The following DMD variants were observed in gnomAD, a reference collection of about 807,000 sequenced individuals.
The protein encoded by DMD is mutant dystrophin.
Under a neutral mutation model 330.1 loss-of-function variants are expected in DMD, and 63 were observed. That is an observed-to-expected ratio of 0.19 (90% CI 0.16 to 0.24). DMD has a LOEUF of 0.24. Among genes scored for constraint, DMD ranks in the 10% least tolerant of loss-of-function variants. The probability of loss-of-function intolerance (pLI) is 1.00; values close to 1 mark genes in which losing one functional copy is unlikely to be tolerated. For missense variants in DMD, 3,344 were observed against 2,684.1 expected (o/e 1.25, Z -5.43); for synonymous variants, 1,223 against 959.8 (o/e 1.27, Z -5.07).
intron 1 of DMD, among the ~76,000 whole-genome samples, chrX:33,058,523 A>C (rs1367814907): frequency 1.9e-5 from 2 of 107,513 alleles, no homozygotes; most frequent in Non-Finnish European, 3.9e-5. Flanking sequence ...GGATAGTCTA[A>C]AACTCCTGGC....
intron 2 of DMD, among the ~76,000 whole-genome samples, chrX:32,979,970 G>A (rs2092659425): frequency 9.0e-6 from 1 of 111,608 alleles, no homozygotes; most frequent in Non-Finnish European, 1.9e-5. Flanking sequence ...GAGCCCTATA[G>A]GTTGTGGCAT....
At chrX:32,998,705 G>T (rs767787936) in intron 2 of DMD, among the ~76,000 whole-genome samples, 8 of 110,933 alleles carry the variant, frequency 7.2e-5, no homozygotes, top group Non-Finnish European at 1.1e-4. Context: ...TTCATTTTCT[G>T]TGTATTTTAA....
intron 43 of DMD, among the ~76,000 whole-genome samples, chrX:32,257,719 A>T (rs1048323809): frequency 3.6e-5 from 4 of 111,789 alleles, no homozygotes; most frequent in Non-Finnish European, 7.5e-5. Flanking sequence ...AAACCCTAGA[A>T]GAAAACCTAG....
At chrX:31,186,051 G>A (rs954613246) in intron 67 of DMD, among the ~76,000 whole-genome samples, 1 of 111,981 alleles carries the variant, frequency 8.9e-6, no homozygotes, top group Admixed American at 9.5e-5. Context: ...ATTTCAGATA[G>A]AAAGGCAGGA....
chrX:32,581,383 G>A (rs753256520), intron 13 of DMD, among the ~76,000 whole-genome samples: 26 of 111,971 alleles, frequency 2.3e-4, no homozygotes, highest in Admixed American at 2.0e-3. Flanking sequence ...AACAGACTAA[G>A]GATCATCAGA....
chrX:32,785,322 A>C (rs1010875503), intron 7 of DMD, among the ~76,000 whole-genome samples: 2 of 111,349 alleles, frequency 1.8e-5, no homozygotes, highest in Admixed American at 9.6e-5. Flanking sequence ...ACAATATTTA[A>C]GCTCTGACAA....
chrX:31,793,746 CA>C (rs1230654508), intron 50 of DMD, among the ~76,000 whole-genome samples: 3 of 112,117 alleles, frequency 2.7e-5, no homozygotes, highest in African/African-American at 9.7e-5. Context: ...ATATTACTTT[CA>C]CACCATTGTA....
At chrX:33,234,642 ACT>A (rs2052444072) in intron 1 of DMD, among the ~76,000 whole-genome samples, 1 of 111,901 alleles carries the variant, frequency 8.9e-6, no homozygotes, top group East Asian at 2.8e-4. Context: ...TGGCAAACAC[ACT>A]GACATGATTC....
intron 1 of DMD, among the ~76,000 whole-genome samples, chrX:33,290,798 C>G (rs2053500127): frequency 9.0e-6 from 1 of 111,148 alleles, no homozygotes; most frequent in African/African-American, 3.3e-5. Flanking sequence ...TTCTTTCCTC[C>G]TAGCTTAAAA....
At chrX:32,779,669 C>A (rs1321625262) in intron 7 of DMD, among the ~76,000 whole-genome samples, 1 of 89,751 alleles carries the variant, frequency 1.1e-5, no homozygotes, top group Admixed American at 1.4e-4. Context: ...AGGACATGAA[C>A]TCATCCTTTT....
chrX:31,924,608 A>G (rs1317813117), intron 47 of DMD, among the ~76,000 whole-genome samples: 1 of 111,830 alleles, frequency 8.9e-6, no homozygotes, highest in Admixed American at 9.5e-5. Flanking sequence ...TTTTGAAAAT[A>G]ATACCTGTAT....
rs191897061 is a variant in DMD, at chrX:32,092,367, C to G, written c.6439-123853G>C. ...TAAAAGAGGGACACTTCAGACAAGG[C>G]CCCTTCTGGGTCTCTTTCTCTTTCA... On this transcript the variant is annotated intron_variant, in intron 44 of 78. Coordinates refer to ENST00000357033, the MANE Select transcript of DMD (RefSeq NM_004006.3). Among the ~76,000 whole-genome samples the G allele has an allele frequency of 4.4e-3, 492 of 111,878 alleles. 5 individuals are homozygous for G. The highest frequency in any genetic ancestry group is 7.4e-3 in the Non-Finnish European group (393 of 53,154).
intron 64 of DMD, among the ~76,000 whole-genome samples, chrX:31,217,854 A>G (rs1437130631): frequency 8.0e-5 from 9 of 112,306 alleles, no homozygotes; most frequent in African/African-American, 2.9e-4. Flanking sequence ...TTAGATACAT[A>G]CACCTTAATT....
intron 62 of DMD, among the ~76,000 whole-genome samples, chrX:31,284,572 C>CTTCTTCTTCTT: frequency 1.3e-5 from 1 of 79,524 alleles, no homozygotes; most frequent in African/African-American, 4.9e-5. Context: ...TCTTCTTCTT[C>CTTCTTCTTCTT]TTCTTCTTCT....
intron 60 of DMD, among the ~76,000 whole-genome samples, chrX:31,387,466 C>A (rs1034151265): frequency 3.6e-5 from 4 of 110,951 alleles, no homozygotes; most frequent in African/African-American, 1.3e-4. Context: ...GTGGTGCAAT[C>A]TTGGCTCACT....
At chrX:32,499,028 T>A (rs936727457) in intron 19 of DMD, among the ~76,000 whole-genome samples, 6 of 112,067 alleles carry the variant, frequency 5.4e-5, no homozygotes, top group Non-Finnish European at 1.1e-4. Flanking sequence ...TTCATAGACA[T>A]TTAGAAACGG....
intron 47 of DMD, among the ~76,000 whole-genome samples, chrX:31,910,629 G>A (rs2094535718): frequency 8.9e-6 from 1 of 111,993 alleles, no homozygotes; most frequent in African/African-American, 3.2e-5. Flanking sequence ...ATACTGCTGT[G>A]GGCTGAGGAT....
At chrX:32,467,848 T>C (rs1016137052) in intron 23 of DMD, among the ~76,000 whole-genome samples, 7 of 110,037 alleles carry the variant, frequency 6.4e-5, no homozygotes, top group African/African-American at 2.3e-4. Flanking sequence ...TTTGTGTTGT[T>C]TGAAGCCATT....
At position 32,827,065 on chromosome X, in the gene DMD, C is replaced by CCCCACACA. The variant is rs767139724; in HGVS notation, c.265-3679_265-3678insTGTGTGGG. On this transcript the variant is annotated intron_variant, in intron 4 of 78. Transcript: ENST00000357033. ...TTGGAACACACATCGCACCCCCCCC[C>CCCCACACA]CACACACACACACACACAGCAGCAG... Among the ~76,000 whole-genome samples the CCCCACACA allele has an allele frequency of 2.6e-3, 181 of 68,905 alleles. 2 individuals carry two copies. Among genetic ancestry groups the CCCCACACA allele is most frequent in the Middle Eastern group, 6.1e-3 (1 of 165 alleles). The allele number at this position is 68,905 out of a possible 115,157, so 59.8% of individuals were successfully genotyped here. A position where few individuals can be genotyped will look rare whatever the true frequency, so the allele number is the denominator to read the frequency against.
Sources: gnomAD v4.1 joint callset for allele counts (sites outside exome capture counted in the v4.1 genomes callset) on GRCh38, gnomAD v4.1.1 for gene constraint, MANE v1.5 for transcripts, NCBI Gene and HGNC (gene_info 2026-07-23, HGNC 2026-07-21) for gene names.